The following SMG6 variants were observed in gnomAD, a reference collection of about 807,000 sequenced individuals.
SMG6 encodes the protein telomerase-binding protein EST1A.
SMG6 carries 66 observed loss-of-function variants against 142.2 expected under a neutral mutation model. The observed-to-expected ratio is 0.46, with a 90% CI of 0.38 to 0.57. The LOEUF (loss-of-function observed/expected upper bound fraction) is 0.57, where lower values mean the gene tolerates loss of function less well. Ranked by LOEUF, SMG6 falls within the 20% of genes least tolerant of loss-of-function variation. The pLI, the probability that SMG6 is intolerant of heterozygous loss-of-function variation, is 0.00. For synonymous variants in SMG6, 779 were observed against 702.4 expected, an observed-to-expected ratio of 1.11 and a Z score of -1.72; for missense variants, 1,793 against 1,832.0, an observed-to-expected ratio of 0.98 and a Z score of 0.39.
At position 2,085,083 on chromosome 17, in the gene SMG6, A is replaced by T. The variant is rs2316513; in HGVS notation, c.3534+642T>A. On this transcript the variant is annotated intron_variant, in intron 14 of 18. Transcript: ENST00000263073. This position sits in a 1 kb window ranked among gnomAD's most constrained non-coding sequence, Gnocchi z 4.1. ...AGGGCAGGGCAACTGCCAGTGGACTATTGCAGGGGCGGGTACACAGGCTCA... is the reference window on the plus strand; with the variant it reads ...AGGGCAGGGCAACTGCCAGTGGACTTTTGCAGGGGCGGGTACACAGGCTCA... Among the ~76,000 whole-genome samples, 111,584 of 152,206 alleles carry T rather than the reference A, an allele frequency of 0.73. 41,412 individuals are homozygous for T. The highest frequency in any genetic ancestry group is 0.93 in the East Asian group (4,842 of 5,180).
At chr17:2,180,120 C>A (rs1408106275) in intron 12 of SMG6, among the ~76,000 whole-genome samples, 1 of 152,174 alleles carries the variant, frequency 6.6e-6, no homozygotes, top group African/African-American at 2.4e-5. Context: ...TGAAGCCTGT[C>A]GCTCTACTCC....
Position 2,172,592 on chromosome 17 carries a change from G to GA in SMG6, c.3357+65dup. On this transcript the variant is annotated intron_variant, in intron 13 of 18. Transcript: ENST00000263073. The stretch of plus-strand genomic sequence containing the variant: ...TCCATTTGCACAGAAAACTTCCCAA[G>GA]AATAAAAAAGTCTGGAGAATTAAGA... The GA allele has an allele frequency of 3.9e-6, 6 of 1,555,422 alleles. No homozygotes were observed. The Middle Eastern group carries it at 6.9e-4, about 180-fold the overall frequency.
chr17:2,100,886 A>G (rs1300809563), intron 13 of SMG6, among the ~76,000 whole-genome samples: 1 of 151,986 alleles, frequency 6.6e-6, no homozygotes, highest in East Asian at 1.9e-4. Context: ...TCCTAGGCTC[A>G]AGAGATCCCC....
At chr17:2,195,098 A>ACTTCATTT (rs1555552105) in intron 10 of SMG6, among the ~76,000 whole-genome samples, 1 of 152,158 alleles carries the variant, frequency 6.6e-6, no homozygotes, top group African/African-American at 2.4e-5. Flanking sequence ...GATATTCGGC[A>ACTTCATTT]CTTCATTTGT....
Position 2,085,600 on chromosome 17 carries a change from G to A in SMG6, c.3534+125C>T. ...ATCAGAGCACACTCTCGAGAAGCTG[G>A]CTGGTCACATTAACACAGACGCTGT... On this transcript the variant is annotated intron_variant, in intron 14 of 18. Transcript: ENST00000263073. This position sits in a 1 kb window ranked among gnomAD's most constrained non-coding sequence, Gnocchi z 4.1. 1 of 975,016 alleles carries A rather than the reference G, an allele frequency of 1.0e-6. No individual in the cohort carries two copies. Among genetic ancestry groups the A allele is most frequent in the Non-Finnish European group, 1.5e-6 (1 of 652,356 alleles). 60.4% of individuals were successfully genotyped at this position (975,016 alleles called of 1,614,324 possible).
chr17:2,302,275 G>C (rs569674449), intron 1 of SMG6, among the ~76,000 whole-genome samples: 102 of 142,396 alleles, frequency 7.2e-4, no homozygotes, highest in African/African-American at 2.5e-3. Context: ...CGGGCACGGT[G>C]GCTCACGCCT....
chr17:2,238,451 G>C (rs551759271), intron 9 of SMG6, among the ~76,000 whole-genome samples: 1 of 152,034 alleles, frequency 6.6e-6, no homozygotes, highest in African/African-American at 2.4e-5. Flanking sequence ...GACTAGATCC[G>C]TTTTTCCCCA....
Position 2,071,689 on chromosome 17 carries a change from G to A in SMG6, c.3682-2758C>T, listed in dbSNP as rs2068104520. The stretch of plus-strand genomic sequence containing the variant: ...CGCATGCCCTCATGGAGTCTCAGGA[G>A]ATGAGATGAAGCTGCTCCCTTTTCT... On this transcript the variant is annotated intron_variant, in intron 15 of 18. Coordinates refer to ENST00000263073, the MANE Select transcript of SMG6 (RefSeq NM_017575.5). The surrounding 1 kb of genome is among the most constrained non-coding windows in gnomAD (Gnocchi z 5.6). Among the ~76,000 whole-genome samples the A allele has an allele frequency of 6.6e-6, 1 of 152,190 alleles. No individual in the cohort carries two copies. Among genetic ancestry groups the A allele is most frequent in the Non-Finnish European group, 1.5e-5 (1 of 68,038 alleles).
chr17:2,282,981 A>C (rs2074824138), intron 7 of SMG6, 122 bp from the exon 8 acceptor site: 1 of 852,458 alleles, frequency 1.2e-6, no homozygotes, highest in African/African-American at 1.7e-5. Flanking sequence ...GACCAGCCTG[A>C]CCAACATAGT....
intron 13 of SMG6, among the ~76,000 whole-genome samples, chr17:2,133,847 T>A (rs966848954): frequency 6.6e-6 from 1 of 152,182 alleles, no homozygotes; most frequent in African/African-American, 2.4e-5. Flanking sequence ...GGCATACCCT[T>A]TCTGTTTTCT....
chr17:2,187,993 C>T (rs906641727), intron 11 of SMG6, among the ~76,000 whole-genome samples: 1 of 152,096 alleles, frequency 6.6e-6, no homozygotes, highest in Non-Finnish European at 1.5e-5. Context: ...CAGTGAGTCT[C>T]CCATGATGGC....
chr17:2,068,742 C>A lies in SMG6; in HGVS notation c.3835+36G>T. ...CGTGTGTGGAGGGGGCTGCTGTGCACATGCAAGGCCGCTCTGCCCTTCCCG... is the reference window on the plus strand; with the variant it reads ...CGTGTGTGGAGGGGGCTGCTGTGCAAATGCAAGGCCGCTCTGCCCTTCCCG... On this transcript the variant is annotated intron_variant, in intron 16 of 18. Transcript: ENST00000263073. This position sits in a 1 kb window ranked among gnomAD's most constrained non-coding sequence, Gnocchi z 6.7. 1.2e-6 allele frequency: 2 copies of A among 1,603,686 alleles called. No homozygotes were observed. The highest frequency in any genetic ancestry group is 1.1e-5 in the South Asian group (1 of 89,328).
At chr17:2,160,312 TG>T in intron 13 of SMG6, among the ~76,000 whole-genome samples, 1 of 152,260 alleles carries the variant, frequency 6.6e-6, no homozygotes, top group South Asian at 2.1e-4. Context: ...CTCCGCCTCC[TG>T]GGTTCAAGTG....
At chr17:2,268,003 T>C (rs2074461444) in intron 8 of SMG6, among the ~76,000 whole-genome samples, 1 of 152,184 alleles carries the variant, frequency 6.6e-6, no homozygotes. Flanking sequence ...TGCCTTGGCC[T>C]CCCAAAGTGC....
intron 15 of SMG6, 125 bp downstream of exon 15, chr17:2,081,685 A>T: frequency 8.6e-7 from 1 of 1,162,176 alleles, no homozygotes; most frequent in Non-Finnish European, 1.2e-6. Flanking sequence ...GGGTAGAGCT[A>T]GAGAGAACAC....
chr17:2,175,905 T>C (rs2071640553), intron 12 of SMG6, among the ~76,000 whole-genome samples: 1 of 152,166 alleles, frequency 6.6e-6, no homozygotes, highest in South Asian at 2.1e-4. Flanking sequence ...TCACCCAAAC[T>C]CAGTTCACAT....
chr17:2,220,465 C>T (rs544532076), intron 10 of SMG6, among the ~76,000 whole-genome samples: 2 of 152,056 alleles, frequency 1.3e-5, no homozygotes, highest in East Asian at 3.9e-4. Context: ...ACCCTGTCTC[C>T]ACAAAAAATA....
intron 7 of SMG6, 94 bp from the exon 8 acceptor site, chr17:2,282,953 T>C (rs1398514325): frequency 7.8e-7 from 1 of 1,275,018 alleles, no homozygotes; most frequent in South Asian, 1.3e-5. Context: ...GGCGGATCAC[T>C]TGAGGTCAGG....
At chr17:2,212,437 A>T (rs999436918) in intron 10 of SMG6, among the ~76,000 whole-genome samples, 5 of 152,128 alleles carry the variant, frequency 3.3e-5, no homozygotes, top group African/African-American at 7.2e-5. Context: ...ATTGCTGCAG[A>T]TCAATCGATC....
Sources: allele counts gnomAD v4.1 joint callset (sites outside exome capture counted in the v4.1 genomes callset), GRCh38; gene constraint gnomAD v4.1.1; non-coding constraint Gnocchi (gnomAD v3.1); transcripts MANE v1.5; gene names NCBI Gene and HGNC (gene_info 2026-07-23, HGNC 2026-07-21).